Variants in MBD5 observed in about 807,000 individuals in gnomAD.
MBD5 encodes the protein methyl-CpG binding domain protein 5.
MBD5 carries 13 observed loss-of-function variants against 117.3 expected under a neutral mutation model. The ratio of observed to expected loss-of-function variants is 0.11; its 90% confidence interval spans 0.07 to 0.18. The LOEUF (loss-of-function observed/expected upper bound fraction) is 0.18, where lower values mean the gene tolerates loss of function less well. MBD5 is among the 10% of genes least tolerant of loss of function. The pLI is 1.00. For synonymous variants in MBD5, 727 were observed against 766.4 expected, an observed-to-expected ratio of 0.95 and a Z score of 0.85; for missense variants, 1,879 against 2,093.8, an observed-to-expected ratio of 0.90 and a Z score of 2.00.
intron 8 of MBD5, 67 bp downstream of exon 8, chr2:148,470,528 C>T: frequency 8.2e-7 from 1 of 1,226,472 alleles, no homozygotes; most frequent in Non-Finnish European, 1.1e-6. Flanking sequence ...AAAATTTGTA[C>T]CAAAATATTT....
In MBD5 at chr2:148,513,162, G is replaced by C; in HGVS notation, c.*221G>C. Reference sequence around the variant, plus strand: ...ATCAAAGTCTCTGTGTGATGAGAGTGATCAATGGTCAAGAGATTACTGAGA... The same window carrying C: ...ATCAAAGTCTCTGTGTGATGAGAGTCATCAATGGTCAAGAGATTACTGAGA... On this transcript the variant is annotated 3_prime_UTR_variant, in exon 14 of 14. Coordinates refer to ENST00000642680, the MANE Select transcript of MBD5 (RefSeq NM_001378120.1). The C allele has an allele frequency of 1.8e-6, 1 of 551,278 alleles. No homozygotes were observed. The highest frequency in any genetic ancestry group is 3.2e-6 in the Non-Finnish European group (1 of 308,808). The allele number at this position is 551,278 out of a possible 1,614,324, so 34.1% of individuals were successfully genotyped here. A position where few individuals can be genotyped will look rare whatever the true frequency, so the allele number is the denominator to read the frequency against.
At chr2:148,396,696 A>G (rs903526845) in intron 4 of MBD5, among the ~76,000 whole-genome samples, 9 of 152,276 alleles carry the variant, frequency 5.9e-5, no homozygotes, top group South Asian at 2.1e-4. Context: ...GTTTGGCCCA[A>G]TGAAAGGCAT....
At chr2:148,450,350 C>T (rs1257659171) in intron 4 of MBD5, among the ~76,000 whole-genome samples, 1 of 152,168 alleles carries the variant, frequency 6.6e-6, no homozygotes, top group African/African-American at 2.4e-5. Context: ...CCTCTAAATA[C>T]TATGATTAAT....
intron 2 of MBD5, among the ~76,000 whole-genome samples, chr2:148,191,090 C>T (rs1219670609): frequency 8.3e-6 from 1 of 120,024 alleles, no homozygotes; most frequent in Admixed American, 8.9e-5. Flanking sequence ...AATACAGGAG[C>T]ACCCAGATTC....
chr2:148,158,928 T>C (rs1175696455), intron 1 of MBD5, among the ~76,000 whole-genome samples: 4 of 152,214 alleles, frequency 2.6e-5, no homozygotes, highest in African/African-American at 7.2e-5. Flanking sequence ...TTCATCGTGT[T>C]AGCCAGGATG....
At chr2:148,239,045 A>C (rs1316738932) in intron 3 of MBD5, among the ~76,000 whole-genome samples, 1 of 150,340 alleles carries the variant, frequency 6.7e-6, no homozygotes, top group East Asian at 1.9e-4. Context: ...TGTGTGTATG[A>C]GTGTGTATAT....
intron 8 of MBD5, among the ~76,000 whole-genome samples, chr2:148,480,076 T>G (rs1273522418): frequency 1.3e-5 from 2 of 152,076 alleles, no homozygotes; most frequent in Non-Finnish European, 2.9e-5. Context: ...CATGGTTCTA[T>G]TCTATTGTCC....
intron 4 of MBD5, among the ~76,000 whole-genome samples, chr2:148,395,486 G>A (rs540895962): frequency 1.1e-4 from 16 of 145,196 alleles, no homozygotes; most frequent in African/African-American, 3.1e-4. Context: ...GTGCGGTGGC[G>A]CAATCTTGGC....
intron 8 of MBD5, among the ~76,000 whole-genome samples, chr2:148,478,306 C>G (rs1316867475): frequency 6.6e-6 from 1 of 152,116 alleles, no homozygotes; most frequent in Non-Finnish European, 1.5e-5. Flanking sequence ...TTGTCTGGAG[C>G]AGGCACAGTG....
intron 4 of MBD5, among the ~76,000 whole-genome samples, chr2:148,369,171 A>G (rs1703784964): frequency 6.6e-6 from 1 of 152,116 alleles, no homozygotes; most frequent in African/African-American, 2.4e-5. Context: ...CAAAAGTGCC[A>G]AAGTCATGAA....
chr2:148,367,240 T>G (rs1435254622), intron 4 of MBD5, among the ~76,000 whole-genome samples: 1 of 152,266 alleles, frequency 6.6e-6, no homozygotes, highest in East Asian at 1.9e-4. Context: ...GATTCCCTAT[T>G]TAATAAATGG....
intron 4 of MBD5, among the ~76,000 whole-genome samples, chr2:148,411,512 CTTTTT>C (rs1188326755): frequency 2.1e-5 from 2 of 97,450 alleles, no homozygotes; most frequent in South Asian, 3.6e-4. Context: ...AGCATCTGTT[CTTTTT>C]TTTTTTTTTT....
chr2:148,234,519 T>C (rs1046080758), intron 3 of MBD5, among the ~76,000 whole-genome samples: 1 of 152,200 alleles, frequency 6.6e-6, no homozygotes, highest in African/African-American at 2.4e-5. Context: ...CAGCAAATCC[T>C]GATCACCAAA....
At chr2:148,350,626 A>C (rs2105228229) in intron 4 of MBD5, among the ~76,000 whole-genome samples, 1 of 152,170 alleles carries the variant, frequency 6.6e-6, no homozygotes, top group Non-Finnish European at 1.5e-5. Flanking sequence ...CCAGGGGATA[A>C]GCTAGAGTAA....
intron 4 of MBD5, among the ~76,000 whole-genome samples, chr2:148,426,356 C>G (rs1305037919): frequency 6.6e-5 from 10 of 151,992 alleles, no homozygotes; most frequent in Non-Finnish European, 1.3e-4. Context: ...CAATCCTAAG[C>G]CAAAAGAACA....
At chr2:148,495,944 G>C (rs747844160) in intron 11 of MBD5, among the ~76,000 whole-genome samples, 6 of 152,198 alleles carry the variant, frequency 3.9e-5, no homozygotes, top group Non-Finnish European at 7.3e-5. Context: ...TGTAACTTAA[G>C]AAGTTGAGCC....
rs1278637572 is a variant in MBD5 at position 148,383,569 on chromosome 2, A to G, written c.-557+41233A>G. Among the ~76,000 whole-genome samples the G allele has an allele frequency of 2.6e-5, 4 of 152,198 alleles. No homozygotes were observed. The South Asian group carries it at 8.3e-4, about 32-fold the overall frequency. On this transcript the variant is annotated intron_variant, in intron 4 of 13. Coordinates refer to ENST00000642680, the MANE Select transcript of MBD5 (RefSeq NM_001378120.1). ...CCATTCCTTCTGAAACTATTCCAATAAATAGAAAAAAAGGGAATCCTCCCT... is the reference window on the plus strand; with the variant it reads ...CCATTCCTTCTGAAACTATTCCAATGAATAGAAAAAAAGGGAATCCTCCCT...
intron 4 of MBD5, among the ~76,000 whole-genome samples, chr2:148,456,277 T>C (rs1428136203): frequency 6.6e-6 from 1 of 152,096 alleles, no homozygotes. Context: ...AGGGACTACT[T>C]TCTGGTGCAT....
intron 4 of MBD5, among the ~76,000 whole-genome samples, chr2:148,400,819 G>A (rs1218666137): frequency 6.6e-6 from 1 of 151,952 alleles, no homozygotes; most frequent in Non-Finnish European, 1.5e-5. Flanking sequence ...TATATTTAAG[G>A]TGATTTTTTA....
Sources: gnomAD v4.1 joint callset for allele counts (sites outside exome capture counted in the v4.1 genomes callset) on GRCh38, gnomAD v4.1.1 for gene constraint, MANE v1.5 for transcripts, NCBI Gene and HGNC (gene_info 2026-07-23, HGNC 2026-07-21) for gene names.